Variants in PDE4B observed in about 807,000 individuals in gnomAD.
The protein encoded by PDE4B is 3',5'-cyclic-AMP phosphodiesterase 4B.
PDE4B carries 20 observed loss-of-function variants against 82.2 expected under a neutral mutation model. The observed-to-expected ratio is 0.24, with a 90% CI of 0.17 to 0.35. The LOEUF (loss-of-function observed/expected upper bound fraction) is 0.35. Among genes scored for constraint, PDE4B ranks in the 10% least tolerant of loss-of-function variants. The pLI, the probability that PDE4B is intolerant of heterozygous loss-of-function variation, is 1.00. For synonymous variants in PDE4B, 320 were observed against 318.9 expected (o/e 1.00, Z -0.04); for missense variants, 655 against 907.2 (o/e 0.72, Z 3.57).
chr1:66,278,441 C>G (rs1353196606), intron 7 of PDE4B, among the ~76,000 whole-genome samples: 1 of 152,164 alleles, frequency 6.6e-6, no homozygotes, highest in Non-Finnish European at 1.5e-5. Flanking sequence ...CATGAAAGAG[C>G]TTTTTCATTC....
intron 3 of PDE4B, among the ~76,000 whole-genome samples, chr1:66,046,603 C>G (rs192514151): frequency 1.3e-5 from 2 of 151,682 alleles, no homozygotes; most frequent in Non-Finnish European, 3.0e-5. Flanking sequence ...TCATGTCTGG[C>G]GAAAGTCAGC....
Position 66,320,442 on chromosome 1 carries a change from AAGAT to A in PDE4B, c.635-12062_635-12059del, listed in dbSNP as rs1659318493. Among the ~76,000 whole-genome samples, 4 of 152,346 alleles carry A rather than the reference AAGAT, an allele frequency of 2.6e-5. No homozygotes were observed. In the South Asian group the frequency reaches 8.3e-4, roughly 32 times the overall value. ...CTAATCAACACATGAATGCAAAAGA[AAGAT>A]AGAGCTGATTAGCTGTGGTAACACT... On this transcript the variant is annotated intron_variant, in intron 7 of 16. Transcript: ENST00000341517.
chr1:66,039,744 C>A (rs1654266298), intron 3 of PDE4B, among the ~76,000 whole-genome samples: 1 of 152,080 alleles, frequency 6.6e-6, no homozygotes, highest in African/African-American at 2.4e-5. Flanking sequence ...TAAATAATTT[C>A]TCTTATCTTG....
chr1:66,286,714 G>A (rs958378776), intron 7 of PDE4B, among the ~76,000 whole-genome samples: 1 of 152,156 alleles, frequency 6.6e-6, no homozygotes, highest in Non-Finnish European at 1.5e-5. Flanking sequence ...AGGACTCTTC[G>A]TTCTGGAGGG....
chr1:66,117,343 C>T (rs1645616369), intron 3 of PDE4B, among the ~76,000 whole-genome samples: 1 of 152,068 alleles, frequency 6.6e-6, no homozygotes. Context: ...AATTACTTCC[C>T]ACCCTCTTCA....
At chr1:66,073,537 T>A (rs1276403652) in intron 3 of PDE4B, among the ~76,000 whole-genome samples, 3 of 152,014 alleles carry the variant, frequency 2.0e-5, no homozygotes, top group Non-Finnish European at 4.4e-5. Context: ...ATCACCCTCC[T>A]CCACTCTCTC....
chr1:66,273,987 G>T (rs1655689272), intron 7 of PDE4B, among the ~76,000 whole-genome samples: 1 of 152,222 alleles, frequency 6.6e-6, no homozygotes, highest in Non-Finnish European at 1.5e-5. Context: ...AGAAATGGAA[G>T]AAAAACAACT....
intron 3 of PDE4B, among the ~76,000 whole-genome samples, chr1:66,148,244 T>A (rs1274296310): frequency 6.6e-6 from 1 of 152,102 alleles, no homozygotes; most frequent in Non-Finnish European, 1.5e-5. Context: ...CACTTCAGCT[T>A]GTGTGATAGA....
chr1:66,257,065 G>A (rs1349382528), intron 4 of PDE4B, among the ~76,000 whole-genome samples: 1 of 152,130 alleles, frequency 6.6e-6, no homozygotes, highest in African/African-American at 2.4e-5. Context: ...AGTGACAATG[G>A]TATGATTATG....
intron 3 of PDE4B, among the ~76,000 whole-genome samples, chr1:66,004,473 G>A (rs958144265): frequency 1.3e-5 from 2 of 152,050 alleles, no homozygotes; most frequent in African/African-American, 4.8e-5. Context: ...GTGTTATGGT[G>A]TGTAATCACT....
intron 3 of PDE4B, among the ~76,000 whole-genome samples, chr1:66,123,127 C>T (rs551889607): frequency 1.6e-4 from 25 of 152,222 alleles, no homozygotes; most frequent in South Asian, 4.1e-4. Context: ...TTTTTCCACA[C>T]GCTAGTAAGC....
At chr1:65,867,922 T>G (rs1646530184) in intron 1 of PDE4B, among the ~76,000 whole-genome samples, 1 of 152,214 alleles carries the variant, frequency 6.6e-6, no homozygotes, top group Non-Finnish European at 1.5e-5. Flanking sequence ...TCCACTGGCT[T>G]TGATATTACA....
intron 3 of PDE4B, among the ~76,000 whole-genome samples, chr1:66,086,719 T>G (rs182995702): frequency 2.0e-5 from 3 of 152,292 alleles, no homozygotes; most frequent in Admixed American, 2.0e-4. Flanking sequence ...CCAATTAGCA[T>G]TTCATTCTCC....
chr1:65,997,852 G>T (rs548437748), intron 3 of PDE4B, among the ~76,000 whole-genome samples: 1 of 152,290 alleles, frequency 6.6e-6, no homozygotes, highest in South Asian at 2.1e-4. Flanking sequence ...ACTGAAGCAT[G>T]TTGTTCAACT....
intron 1 of PDE4B, among the ~76,000 whole-genome samples, chr1:65,903,334 C>T (rs776895184): frequency 7.2e-5 from 11 of 152,060 alleles, no homozygotes; most frequent in Non-Finnish European, 1.5e-4. Context: ...ATTCTTAGGG[C>T]AAAGCTTAAT....
intron 7 of PDE4B, among the ~76,000 whole-genome samples, chr1:66,296,136 C>A (rs1232621697): frequency 6.6e-6 from 1 of 152,134 alleles, no homozygotes; most frequent in African/African-American, 2.4e-5. Flanking sequence ...ATCTTTATCT[C>A]AGCCTTATCA....
chr1:66,014,816 C>T lies in PDE4B; in HGVS notation c.281+95981C>T, dbSNP rs1345973491. Among the ~76,000 whole-genome samples the T allele has an allele frequency of 2.0e-5, 3 of 152,064 alleles. No individual in the cohort carries two copies. In the East Asian group the frequency reaches 5.8e-4, roughly 29 times the overall value. On this transcript the variant is annotated intron_variant, in intron 3 of 16. Transcript: ENST00000341517. The stretch of plus-strand genomic sequence containing the variant: ...TAGTGAGTAGAGGTTACGAATGTTG[C>T]TAAATACCCTGCAATAAACAGCTCC...
intron 1 of PDE4B, among the ~76,000 whole-genome samples, chr1:65,902,615 A>G (rs189059385): frequency 2.6e-5 from 4 of 152,216 alleles, no homozygotes; most frequent in Non-Finnish European, 5.9e-5. Flanking sequence ...TACGATTGTG[A>G]TGATACTCTA....
intron 1 of PDE4B, among the ~76,000 whole-genome samples, chr1:65,797,867 A>G (rs1645648829): frequency 6.6e-6 from 1 of 152,084 alleles, no homozygotes; most frequent in Non-Finnish European, 1.5e-5. Context: ...AGAGAGTTGG[A>G]AGACATCCAC....
Sources: gnomAD v4.1 joint callset for allele counts (sites outside exome capture counted in the v4.1 genomes callset) on GRCh38, gnomAD v4.1.1 for gene constraint, MANE v1.5 for transcripts, NCBI Gene and HGNC (gene_info 2026-07-23, HGNC 2026-07-21) for gene names.